Variants in SLC3A1 observed in about 807,000 individuals in gnomAD.
SLC3A1 encodes the protein solute carrier family 3 member 1.
A neutral mutation model predicts 60.3 loss-of-function variants in SLC3A1; 78 were observed. The ratio of observed to expected loss-of-function variants is 1.29; its 90% CI spans 1.08 to 1.56. The LOEUF is 1.56. Ranked by LOEUF, SLC3A1 falls within the 40% of genes most tolerant of loss-of-function variation. The pLI, the probability that SLC3A1 is intolerant of heterozygous loss-of-function variation, is 0.00. For missense variants in SLC3A1, 1,172 were observed against 858.9 expected (o/e 1.36, Z -4.56); for synonymous variants, 392 against 307.9 (o/e 1.27, Z -2.86).
At chr2:44,320,165 A>G in intron 9 of SLC3A1, 34 bp from the exon 10 acceptor site, 1 of 1,527,476 alleles carries the variant, frequency 6.5e-7, no homozygotes, top group South Asian at 1.1e-5. Context: ...TCTTAGAATC[A>G]AACACTTACG....
At chr2:44,287,334 C>A (rs964881962) in intron 4 of SLC3A1, among the ~76,000 whole-genome samples, 4 of 151,974 alleles carry the variant, frequency 2.6e-5, no homozygotes, top group African/African-American at 9.7e-5. Context: ...GAGAAAGGAA[C>A]CATGTGACTA....
At chr2:44,278,068 CA>C (rs1671390670) in intron 1 of SLC3A1, among the ~76,000 whole-genome samples, 1 of 152,098 alleles carries the variant, frequency 6.6e-6, no homozygotes, top group African/African-American at 2.4e-5. Flanking sequence ...TGGCTTAGAT[CA>C]AAACCCTCTT....
intron 9 of SLC3A1, chr2:44,315,313 C>G (rs947799105): frequency 6.6e-6 from 1 of 151,808 alleles, no homozygotes; most frequent in Admixed American, 6.6e-5. Flanking sequence ...CCAAATGACC[C>G]TGGAAAGGAA....
chr2:44,313,442 C>T (rs28582427), intron 8 of SLC3A1, among the ~76,000 whole-genome samples: 1,581 of 152,248 alleles, frequency 0.01, 25 homozygotes, highest in African/African-American at 0.035. Context: ...GCTGAATAAA[C>T]GAGTAGGACA....
intron 7 of SLC3A1, among the ~76,000 whole-genome samples, chr2:44,306,261 A>G (rs921346264): frequency 6.6e-6 from 1 of 152,180 alleles, no homozygotes; most frequent in Non-Finnish European, 1.5e-5. Context: ...CCTGCCAGCT[A>G]TCTTACACAG....
At chr2:44,302,012 G>A (rs1277019714) in intron 6 of SLC3A1, among the ~76,000 whole-genome samples, 1 of 152,104 alleles carries the variant, frequency 6.6e-6, no homozygotes, top group East Asian at 1.9e-4. Context: ...CTGAGATCAT[G>A]CCACTGTGCT....
At chr2:44,306,927 C>G (rs1672172766) in intron 7 of SLC3A1, among the ~76,000 whole-genome samples, 1 of 152,094 alleles carries the variant, frequency 6.6e-6, no homozygotes, top group South Asian at 2.1e-4. Flanking sequence ...GCAACCATCA[C>G]CAATGTCTCA....
chr2:44,277,490 C>A (rs1210066283), intron 1 of SLC3A1, among the ~76,000 whole-genome samples: 1 of 152,062 alleles, frequency 6.6e-6, no homozygotes, highest in East Asian at 1.9e-4. Flanking sequence ...CAGCTCAAAC[C>A]CATTGCCTTC....
At chr2:44,305,262 T>A (rs1244574785) in intron 7 of SLC3A1, among the ~76,000 whole-genome samples, 1 of 152,064 alleles carries the variant, frequency 6.6e-6, no homozygotes, top group Non-Finnish European at 1.5e-5. Context: ...CTGATCTGAT[T>A]TTTCTGTCTT....
rs1354452393 is a variant in SLC3A1 at position 44,286,132 on chromosome 2, A to G, written c.866A>G (p.Asn289Ser). Residue 289 changes from asparagine (N) to serine (S), a missense_variant, in exon 4 of 10, where the codon AAT becomes AGT. Transcript: ENST00000260649. The stretch of plus-strand genomic sequence containing the variant: ...GAGCAACCTGATTTAAATTTCCGCA[A>G]TCCTGATGTTCAAGAAGAAATAAAA... The part of the protein sequence containing the change: ...MKEQPDLNFR[N>S]PDVQEEIKEI... 6.2e-7 allele frequency: 1 copy of G among 1,614,070 alleles called. No individual in the cohort carries two copies. Among genetic ancestry groups the G allele is most frequent in the Non-Finnish European group, 8.5e-7 (1 of 1,179,950 alleles).
chr2:44,301,714 G>C (rs1280234408), intron 6 of SLC3A1, among the ~76,000 whole-genome samples: 5 of 147,306 alleles, frequency 3.4e-5, no homozygotes, highest in Non-Finnish European at 6.0e-5. Context: ...ACTCCAGCCT[G>C]GGCGACAGAG....
intron 4 of SLC3A1, among the ~76,000 whole-genome samples, chr2:44,286,628 G>A (rs746314086): frequency 1.4e-4 from 21 of 147,544 alleles, no homozygotes; most frequent in Middle Eastern, 6.8e-3. Context: ...CGGTGTCTGT[G>A]ACTGAGCTGT....
At chr2:44,311,721 G>T (rs1422312455) in intron 7 of SLC3A1, among the ~76,000 whole-genome samples, 1 of 68,322 alleles carries the variant, frequency 1.5e-5, no homozygotes, top group Non-Finnish European at 3.4e-5. Flanking sequence ...AGCTAAGGAA[G>T]TTAAAAAAAA....
In SLC3A1 at chr2:44,321,237, T is replaced by C; in HGVS notation, c.*598T>C. 1 of 903,748 alleles carries C rather than the reference T, an allele frequency of 1.1e-6. No individual in the cohort carries two copies. Among genetic ancestry groups the C allele is most frequent in the Non-Finnish European group, 1.7e-6 (1 of 597,698 alleles). The allele number at this position is 903,748 out of a possible 1,614,324, so 56.0% of individuals were successfully genotyped here. ...AGCAAAATTTAGATGGAGAAGCACA[T>C]TTTAAAAAATTAATAACTTAAAAGT... On this transcript the variant is annotated 3_prime_UTR_variant, in exon 10 of 10. Transcript: ENST00000260649.
intron 7 of SLC3A1, among the ~76,000 whole-genome samples, chr2:44,305,293 A>G (rs1164404634): frequency 1.3e-5 from 2 of 152,262 alleles, no homozygotes; most frequent in Non-Finnish European, 1.5e-5. Context: ...TTAGAGGTCA[A>G]TATTAGGCTC....
Position 44,313,829 on chromosome 2 carries a change from A to G in SLC3A1, c.1501-6A>G, listed in dbSNP as rs1415157258. The G allele has an allele frequency of 6.2e-7, 1 of 1,608,392 alleles. No homozygotes were observed. Among genetic ancestry groups the G allele is most frequent in the Admixed American group, 1.7e-5 (1 of 60,012 alleles). On this transcript the variant is annotated splice_polypyrimidine_tract_variant and splice_region_variant and intron_variant, in intron 8 of 9. Transcript: ENST00000260649. The stretch of plus-strand genomic sequence containing the variant: ...ACTGTTTTCCCTTTCTGGTCTTTTG[A>G]CATAGAATACCCTTCGCTCAAAGTC...
At chr2:44,316,406 T>C (rs898017091) in intron 9 of SLC3A1, 3 of 152,210 alleles carry the variant, frequency 2.0e-5, no homozygotes, top group Non-Finnish European at 4.4e-5. Context: ...TGCTAATTAG[T>C]GTGCTGAAAA....
downstream of SLC3A1, chr2:44,321,697 C>G: frequency 6.3e-7 from 1 of 1,574,932 alleles, no homozygotes; most frequent in South Asian, 1.2e-5. Flanking sequence ...CCCTCCCCTC[C>G]TGGGTCTCAC....
intron 3 of SLC3A1, among the ~76,000 whole-genome samples, chr2:44,282,809 C>T (rs1671530331): frequency 6.6e-6 from 1 of 152,012 alleles, no homozygotes; most frequent in African/African-American, 2.4e-5. Flanking sequence ...AAATGTGTGC[C>T]ACCATGCCCA....
Sources: gnomAD v4.1 joint callset for allele counts (sites outside exome capture counted in the v4.1 genomes callset) on GRCh38, gnomAD v4.1.1 for gene constraint, MANE v1.5 for transcripts, NCBI Gene and HGNC (gene_info 2026-07-23, HGNC 2026-07-21) for gene names.